The following FAAH2 variants were observed in gnomAD, a reference collection of about 807,000 sequenced individuals.
FAAH2 encodes fatty-acid amide hydrolase 2.
A neutral mutation model predicts 36.9 loss-of-function variants in FAAH2; 60 were observed. That is an observed-to-expected ratio of 1.63 (90% CI 1.32 to 2.02). The LOEUF is 2.02. Among genes scored for constraint, FAAH2 ranks in the 30% most tolerant of loss-of-function variants. The pLI is 0.00. For synonymous variants in FAAH2, 214 were observed against 143.8 expected (o/e 1.49, Z -3.49); for missense variants, 689 against 397.5 (o/e 1.73, Z -6.23).
chrX:57,328,645 A>T (rs1053496794), intron 3 of FAAH2, among the ~76,000 whole-genome samples: 1 of 111,492 alleles, frequency 9.0e-6, no homozygotes. Context: ...GATTTTTTGA[A>T]TTGTCAGAGT....
the FAAH2 span, among the ~76,000 whole-genome samples, chrX:57,251,855 G>T: frequency 8.9e-6 from 1 of 111,807 alleles, no homozygotes; most frequent in Non-Finnish European, 1.9e-5. Context: ...TGGAGAGTGG[G>T]TGCAGCCCAT....
the FAAH2 span, among the ~76,000 whole-genome samples, chrX:57,213,481 T>C: frequency 8.9e-6 from 1 of 112,070 alleles, no homozygotes; most frequent in Non-Finnish European, 1.9e-5. Context: ...TAAACTTTCC[T>C]CTTCAGACTG....
At chrX:57,362,339 C>A (rs941257439) in intron 5 of FAAH2, among the ~76,000 whole-genome samples, 2 of 110,478 alleles carry the variant, frequency 1.8e-5, no homozygotes, top group African/African-American at 6.6e-5. Flanking sequence ...ACATCACACA[C>A]TGGGGCCTGT....
chrX:57,322,688 G>A (rs2053066875), intron 3 of FAAH2, among the ~76,000 whole-genome samples: 1 of 110,811 alleles, frequency 9.0e-6, no homozygotes, highest in Admixed American at 9.7e-5. Context: ...TGGAAGTTTT[G>A]TTCATTAAAA....
intron 7 of FAAH2, among the ~76,000 whole-genome samples, chrX:57,403,446 CT>C (rs1402833469): frequency 8.9e-6 from 1 of 112,775 alleles, no homozygotes; most frequent in Non-Finnish European, 1.9e-5. Context: ...CTGACATTGC[CT>C]TTGCACTCAG....
chrX:57,486,621 C>T (rs901172037), intron 10 of FAAH2, among the ~76,000 whole-genome samples: 8 of 111,597 alleles, frequency 7.2e-5, no homozygotes, highest in African/African-American at 2.6e-4. Flanking sequence ...TCTGCTGGTA[C>T]TCCCAATGTT....
At chrX:57,179,218 G>T in the FAAH2 span, among the ~76,000 whole-genome samples, 1 of 111,474 alleles carries the variant, frequency 9.0e-6, no homozygotes, top group African/African-American at 3.3e-5. Flanking sequence ...ATACAAAAAT[G>T]TCTGGATAAA....
chrX:57,443,462 G>T (rs755336360), intron 8 of FAAH2, among the ~76,000 whole-genome samples: 5 of 111,724 alleles, frequency 4.5e-5, no homozygotes, highest in African/African-American at 1.6e-4. Flanking sequence ...GCTCCATGAG[G>T]TCATTTAGGG....
intron 3 of FAAH2, among the ~76,000 whole-genome samples, chrX:57,323,200 A>G (rs1434226087): frequency 8.9e-6 from 1 of 111,786 alleles, no homozygotes; most frequent in Non-Finnish European, 1.9e-5. Flanking sequence ...TCCATGGTGT[A>G]TATGTGTCAC....
chrX:57,150,288 C>G, the FAAH2 span, among the ~76,000 whole-genome samples: 1 of 111,536 alleles, frequency 9.0e-6, no homozygotes, highest in Non-Finnish European at 1.9e-5. Flanking sequence ...ACTTGGTGCA[C>G]AGCTGAGTTG....
the FAAH2 span, among the ~76,000 whole-genome samples, chrX:57,162,225 G>C: frequency 1.7e-4 from 19 of 112,043 alleles, no homozygotes; most frequent in Non-Finnish European, 3.4e-4. Flanking sequence ...TCTGCCGAGA[G>C]ATCCGCTGTT....
At chrX:57,266,883 A>G in the FAAH2 span, among the ~76,000 whole-genome samples, 1 of 112,411 alleles carries the variant, frequency 8.9e-6, no homozygotes, top group Non-Finnish European at 1.9e-5. Context: ...TCATTCCTCT[A>G]GGCTCAACTT....
the FAAH2 span, among the ~76,000 whole-genome samples, chrX:57,190,751 A>G: frequency 1.8e-5 from 2 of 109,659 alleles, no homozygotes; most frequent in Non-Finnish European, 3.8e-5. Context: ...TCTGAATGAG[A>G]TAAACAGTAT....
At chrX:57,461,145 T>A (rs374693131) in intron 10 of FAAH2, among the ~76,000 whole-genome samples, 4 of 101,523 alleles carry the variant, frequency 3.9e-5, no homozygotes, top group Non-Finnish European at 4.0e-5. Context: ...ACCAGATTAA[T>A]AAAAAAAAAA....
the FAAH2 span, among the ~76,000 whole-genome samples, chrX:57,272,175 A>G: frequency 9.3e-6 from 1 of 107,899 alleles, no homozygotes; most frequent in Admixed American, 1.0e-4. Flanking sequence ...AACTTAATGA[A>G]ATAAAGAGAG....
At chrX:57,432,596 G>A (rs2056326975) in intron 8 of FAAH2, among the ~76,000 whole-genome samples, 1 of 111,214 alleles carries the variant, frequency 9.0e-6, no homozygotes, top group Admixed American at 9.6e-5. Flanking sequence ...GCTGATACAG[G>A]TACTTGTGAA....
At chrX:57,131,387 G>A in the FAAH2 span, among the ~76,000 whole-genome samples, 1 of 111,792 alleles carries the variant, frequency 8.9e-6, no homozygotes, top group Admixed American at 9.5e-5. Flanking sequence ...GCCCGGCCGG[G>A]TCTATTTCTT....
At chrX:57,254,514 A>G in the FAAH2 span, among the ~76,000 whole-genome samples, 8 of 112,002 alleles carry the variant, frequency 7.1e-5, no homozygotes, top group Admixed American at 1.9e-4. Flanking sequence ...AATTGACCAC[A>G]TAGTTGGAAG....
At chrX:57,135,568 G>T in the FAAH2 span, 1 of 503,863 alleles carries the variant, frequency 2.0e-6, no homozygotes, top group Non-Finnish European at 3.1e-6. Flanking sequence ...AGCCGAAATT[G>T]ACAGCTGTTC....
Sources: gnomAD v4.1 joint callset for allele counts (sites outside exome capture counted in the v4.1 genomes callset) on GRCh38, gnomAD v4.1.1 for gene constraint, MANE v1.5 for transcripts, NCBI Gene and HGNC (gene_info 2026-07-23, HGNC 2026-07-21) for gene names.